Variants in TAOK1 observed in about 807,000 individuals in gnomAD.
TAOK1 encodes the protein serine/threonine-protein kinase TAO1.
TAOK1 carries 21 observed loss-of-function variants against 138.3 expected under a neutral mutation model. That is an observed-to-expected ratio of 0.15 (90% CI 0.11 to 0.22). The LOEUF (loss-of-function observed/expected upper bound fraction) is 0.22, where lower values mean the gene tolerates loss of function less well. TAOK1 is among the 10% of genes least tolerant of loss of function. The pLI, the probability that TAOK1 is intolerant of heterozygous loss-of-function variation, is 1.00. For synonymous variants in TAOK1, 361 were observed against 398.4 expected, an observed-to-expected ratio of 0.91 and a Z score of 1.12; for missense variants, 651 against 1,227.7, an observed-to-expected ratio of 0.53 and a Z score of 7.02.
intron 1 of TAOK1, among the ~76,000 whole-genome samples, chr17:29,418,606 A>T (rs866091973): frequency 3.3e-5 from 5 of 152,298 alleles, no homozygotes; most frequent in Non-Finnish European, 7.3e-5. Flanking sequence ...ATATAAGATG[A>T]TGTAGTATTT....
At chr17:29,430,017 A>G (rs961175851) in intron 1 of TAOK1, among the ~76,000 whole-genome samples, 1 of 152,200 alleles carries the variant, frequency 6.6e-6, no homozygotes, top group African/African-American at 2.4e-5. Flanking sequence ...AATTTTGGGA[A>G]AAATCACAAG....
At chr17:29,540,350 T>TTTTGTTTG (rs35111957) in intron 19 of TAOK1, among the ~76,000 whole-genome samples, 1,926 of 149,906 alleles carry the variant, frequency 0.013, 27 homozygotes, top group African/African-American at 0.038. Context: ...TTTTTTCTGT[T>TTTTGTTTG]TTTGTTTGTT....
chr17:29,410,635 G>GTTTTTTTTT (rs1207404073), intron 1 of TAOK1, among the ~76,000 whole-genome samples: 1 of 136,892 alleles, frequency 7.3e-6, no homozygotes, highest in East Asian at 2.1e-4. Flanking sequence ...TTTTTTTTTG[G>GTTTTTTTTT]TTTTTTTTTT....
intron 1 of TAOK1, among the ~76,000 whole-genome samples, chr17:29,429,860 A>G (rs185918148): frequency 1.3e-5 from 2 of 152,298 alleles, no homozygotes; most frequent in East Asian, 3.9e-4. Context: ...AGTTTGTTTA[A>G]TATCTGTCAT....
intron 1 of TAOK1, among the ~76,000 whole-genome samples, chr17:29,394,155 T>TTG (rs1904516651): frequency 2.1e-5 from 2 of 97,406 alleles, no homozygotes; most frequent in Non-Finnish European, 3.9e-5. Flanking sequence ...TGCCAGTTTT[T>TTG]TTTTTTTTTT....
intron 18 of TAOK1, among the ~76,000 whole-genome samples, chr17:29,532,801 C>T (rs1254059826): frequency 6.6e-6 from 1 of 152,016 alleles, no homozygotes; most frequent in Non-Finnish European, 1.5e-5. Context: ...TACCTTTCCC[C>T]CCTTTCTATT....
intron 1 of TAOK1, chr17:29,403,888 A>G (rs1483178983): frequency 6.6e-6 from 1 of 152,010 alleles, no homozygotes; most frequent in Admixed American, 6.6e-5. Context: ...TTACTTTGAC[A>G]TGTCGTTATT....
In TAOK1 at chr17:29,462,035, T is replaced by A. The variant is rs530891311; in HGVS notation, c.133-5110T>A. On this transcript the variant is annotated intron_variant, in intron 2 of 19. Transcript: ENST00000261716. The stretch of plus-strand genomic sequence containing the variant: ...ACCCATGCACACACTGTTCTGTTGT[T>A]ACATTTCCTCTCATCCCCACTCCAT... Among the ~76,000 whole-genome samples, 32 of 152,320 alleles carry A rather than the reference T, an allele frequency of 2.1e-4. No homozygotes were observed. The South Asian group carries it at 6.4e-3, about 31-fold the overall frequency.
intron 13 of TAOK1, among the ~76,000 whole-genome samples, chr17:29,503,757 TTGAGCTCA>T (rs1349821941): frequency 6.6e-6 from 1 of 151,858 alleles, no homozygotes; most frequent in African/African-American, 2.4e-5. Flanking sequence ...GGCGGACCAC[TTGAGCTCA>T]TGAGTTTGAG....
chr17:29,448,921 G>A lies in TAOK1; in HGVS notation c.-94-2534G>A, dbSNP rs369744953. 2.1e-3 allele frequency among the ~76,000 whole-genome samples: 323 copies of A among 152,156 alleles called. 3 individuals carry two copies. In the South Asian group the frequency reaches 0.033, roughly 16 times the overall value. On this transcript the variant is annotated intron_variant, in intron 1 of 19. Coordinates refer to ENST00000261716, the MANE Select transcript of TAOK1 (RefSeq NM_020791.4). ...AATTGCAATATAATACGGTAAATGCGGCAGGATGCTTTGGGGGCATAAAGG... is the reference window on the plus strand; with the variant it reads ...AATTGCAATATAATACGGTAAATGCAGCAGGATGCTTTGGGGGCATAAAGG...
intron 2 of TAOK1, among the ~76,000 whole-genome samples, chr17:29,463,391 G>T (rs1277677660): frequency 6.6e-6 from 1 of 152,004 alleles, no homozygotes; most frequent in African/African-American, 2.4e-5. Flanking sequence ...CCAACGTGGC[G>T]AAACCCCATC....
intron 1 of TAOK1, among the ~76,000 whole-genome samples, chr17:29,411,088 GTTT>G (rs71138814): frequency 3.2e-5 from 3 of 94,084 alleles, no homozygotes; most frequent in Non-Finnish European, 4.1e-5. Flanking sequence ...TCTTTTTACT[GTTT>G]TTTTTTTTTT....
intron 10 of TAOK1, among the ~76,000 whole-genome samples, chr17:29,493,822 GC>G (rs1294205378): frequency 6.6e-6 from 1 of 152,126 alleles, no homozygotes. Flanking sequence ...AGAAATAGCT[GC>G]CCCAAATTAG....
chr17:29,436,472 TA>T (rs1395243777), intron 1 of TAOK1, among the ~76,000 whole-genome samples: 1 of 152,230 alleles, frequency 6.6e-6, no homozygotes, highest in East Asian at 1.9e-4. Context: ...TTTCCTTTAT[TA>T]AAATGTTAAC....
intron 3 of TAOK1, among the ~76,000 whole-genome samples, chr17:29,470,240 C>G (rs1378824283): frequency 3.3e-5 from 5 of 152,122 alleles, no homozygotes; most frequent in Non-Finnish European, 7.3e-5. Context: ...TTAAGGTTGT[C>G]ATGAAGTAGC....
intron 2 of TAOK1, 64 bp downstream of exon 2, chr17:29,451,744 A>T (rs2030242046): frequency 1.3e-6 from 2 of 1,544,584 alleles, no homozygotes; most frequent in Non-Finnish European, 1.7e-6. Flanking sequence ...TGACAGAGCA[A>T]AATATAGTAA....
intron 4 of TAOK1, among the ~76,000 whole-genome samples, chr17:29,476,008 A>G (rs1400098222): frequency 1.3e-5 from 2 of 152,250 alleles, no homozygotes; most frequent in Non-Finnish European, 2.9e-5. Context: ...TATGTATGAT[A>G]AAATGTCCTA....
intron 17 of TAOK1, among the ~76,000 whole-genome samples, chr17:29,526,865 A>T (rs1242997100): frequency 3.5e-5 from 5 of 143,882 alleles, no homozygotes; most frequent in Non-Finnish European, 3.0e-5. Context: ...ACAGTGGCTC[A>T]CGGCTGCAAT....
At chr17:29,411,088 G>GTTTTTTTTTTT (rs71138814) in intron 1 of TAOK1, among the ~76,000 whole-genome samples, 2 of 94,090 alleles carry the variant, frequency 2.1e-5, no homozygotes, top group Admixed American at 1.4e-4. Context: ...TCTTTTTACT[G>GTTTTTTTTTTT]TTTTTTTTTT....
Sources: gnomAD v4.1 joint callset for allele counts (sites outside exome capture counted in the v4.1 genomes callset) on GRCh38, gnomAD v4.1.1 for gene constraint, MANE v1.5 for transcripts, NCBI Gene and HGNC (gene_info 2026-07-23, HGNC 2026-07-21) for gene names.